Variants in MGAT4C observed in about 807,000 individuals in gnomAD.
MGAT4C encodes the protein MGAT4 family member C.
Under a neutral mutation model 40.1 loss-of-function variants are expected in MGAT4C, and 19 were observed. The observed-to-expected ratio is 0.47, with a 90% CI of 0.33 to 0.70. The LOEUF (loss-of-function observed/expected upper bound fraction) is 0.70, where lower values mean the gene tolerates loss of function less well. MGAT4C is among the 30% of genes least tolerant of loss of function. MGAT4C has a pLI of 0.02. For synonymous variants in MGAT4C, 181 were observed against 187.1 expected (o/e 0.97, Z 0.27); for missense variants, 491 against 563.2 (o/e 0.87, Z 1.30).
rs893916183 is a variant in MGAT4C, at chr12:85,977,691, T to C, written c.*1598A>G. 1 of 151,090 alleles carries C rather than the reference T, an allele frequency of 6.6e-6. No homozygotes were observed. The highest frequency in any genetic ancestry group is 2.1e-4 in the South Asian group (1 of 4,816). The allele number at this position is 151,090 out of a possible 1,614,324, so 9.4% of individuals were successfully genotyped here. ...TCCTAGTGTTGTTTGCACCACAGCA[T>C]ACCAGTAAATCTTAAGGATTGTGTT... is the stretch of plus-strand genomic sequence containing the variant. On this transcript the variant is annotated 3_prime_UTR_variant, in exon 5 of 5. Coordinates refer to ENST00000611864, the MANE Select transcript of MGAT4C (RefSeq NM_001351288.2).
chr12:86,314,614 T>C (rs960963711), intron 4 of MGAT4C, among the ~76,000 whole-genome samples: 3 of 152,260 alleles, frequency 2.0e-5, no homozygotes, highest in Non-Finnish European at 4.4e-5. Context: ...ACAAAGTCAA[T>C]GTACAATAAT....
intron 3 of MGAT4C, among the ~76,000 whole-genome samples, chr12:86,428,351 C>T (rs1956971779): frequency 6.6e-6 from 1 of 152,102 alleles, no homozygotes; most frequent in Non-Finnish European, 1.5e-5. Context: ...CATGTATCTA[C>T]AGAGAGCAGG....
At chr12:86,309,835 C>T (rs1446885882) in intron 4 of MGAT4C, among the ~76,000 whole-genome samples, 11 of 152,086 alleles carry the variant, frequency 7.2e-5, no homozygotes, top group Admixed American at 7.2e-4. Context: ...AATATATTGT[C>T]CAGACTCCAA....
chr12:86,335,131 C>T (rs1954754362), intron 3 of MGAT4C, among the ~76,000 whole-genome samples: 1 of 151,944 alleles, frequency 6.6e-6, no homozygotes, highest in Non-Finnish European at 1.5e-5. Flanking sequence ...AGTTAACTAT[C>T]CATTAACTCA....
intron 3 of MGAT4C, among the ~76,000 whole-genome samples, chr12:86,347,415 C>A (rs1041836034): frequency 2.0e-5 from 3 of 152,024 alleles, no homozygotes; most frequent in Non-Finnish European, 4.4e-5. Context: ...TCACTGAATT[C>A]GTGACTTATA....
intron 1 of MGAT4C, among the ~76,000 whole-genome samples, chr12:86,138,377 G>A (rs1266838175): frequency 1.3e-5 from 2 of 149,646 alleles, no homozygotes; most frequent in East Asian, 3.9e-4. Flanking sequence ...TGCCTCCTCA[G>A]GATTCCCACT....
chr12:86,702,347 G>T (rs1950378034), intron 2 of MGAT4C, among the ~76,000 whole-genome samples: 1 of 152,054 alleles, frequency 6.6e-6, no homozygotes, highest in Admixed American at 6.6e-5. Flanking sequence ...GCCTGGGCCA[G>T]ATTTTTAATG....
At chr12:86,320,922 A>T (rs182167643) in intron 4 of MGAT4C, among the ~76,000 whole-genome samples, 133 of 152,270 alleles carry the variant, frequency 8.7e-4, no homozygotes, top group African/African-American at 3.1e-3. Context: ...ATGGATCAAA[A>T]TCTACCAACT....
chr12:86,488,777 T>C (rs1958073913), intron 2 of MGAT4C, among the ~76,000 whole-genome samples: 1 of 152,194 alleles, frequency 6.6e-6, no homozygotes, highest in Admixed American at 6.6e-5. Context: ...TTATATCATA[T>C]GATTGAAGTT....
intron 2 of MGAT4C, among the ~76,000 whole-genome samples, chr12:86,439,022 G>C (rs1225103761): frequency 1.3e-5 from 2 of 151,748 alleles, no homozygotes; most frequent in Non-Finnish European, 2.9e-5. Flanking sequence ...CCAACACAAT[G>C]ATAGAAGCGA....
intron 1 of MGAT4C, among the ~76,000 whole-genome samples, chr12:86,065,425 A>T (rs1360167161): frequency 6.6e-6 from 1 of 152,230 alleles, no homozygotes; most frequent in Non-Finnish European, 1.5e-5. Context: ...CAATAATTAT[A>T]ATCCATCACA....
chr12:86,099,869 A>C (rs1367460413), intron 1 of MGAT4C, among the ~76,000 whole-genome samples: 1 of 151,386 alleles, frequency 6.6e-6, no homozygotes, highest in African/African-American at 2.4e-5. Context: ...ACTTTCTGTT[A>C]GTTAATGTTT....
At chr12:86,444,884 T>A (rs2136281892) in intron 2 of MGAT4C, among the ~76,000 whole-genome samples, 1 of 152,294 alleles carries the variant, frequency 6.6e-6, no homozygotes, top group African/African-American at 2.4e-5. Flanking sequence ...TATGTAACAA[T>A]ACAGATGAAT....
At chr12:86,367,902 C>A (rs1041903224) in intron 3 of MGAT4C, among the ~76,000 whole-genome samples, 20 of 152,254 alleles carry the variant, frequency 1.3e-4, no homozygotes, top group Admixed American at 1.3e-3. Flanking sequence ...CCTAACATGG[C>A]CAGAAGCGCC....
At chr12:86,054,996 A>G (rs1893250072) in intron 1 of MGAT4C, among the ~76,000 whole-genome samples, 1 of 151,982 alleles carries the variant, frequency 6.6e-6, no homozygotes, top group African/African-American at 2.4e-5. Flanking sequence ...AATATTAAGG[A>G]CTGTGATTAT....
At chr12:86,339,967 T>A (rs1033535388) in intron 3 of MGAT4C, among the ~76,000 whole-genome samples, 2 of 152,336 alleles carry the variant, frequency 1.3e-5, no homozygotes, top group East Asian at 3.9e-4. Context: ...AAAGCCTTTA[T>A]CTAGATATTG....
chr12:86,348,236 A>C (rs1338046656), intron 3 of MGAT4C, among the ~76,000 whole-genome samples: 2 of 152,160 alleles, frequency 1.3e-5, no homozygotes, highest in African/African-American at 4.8e-5. Context: ...TTGCTTGTTC[A>C]TAGAGGACTC....
chr12:86,543,549 A>T (rs1412060443), intron 2 of MGAT4C, among the ~76,000 whole-genome samples: 3 of 152,088 alleles, frequency 2.0e-5, no homozygotes, highest in Non-Finnish European at 4.4e-5. Context: ...GTATAGTACT[A>T]AGTACTTTTT....
upstream of MGAT4C, among the ~76,000 whole-genome samples, chr12:86,258,389 A>G (rs1430284190): frequency 1.3e-5 from 2 of 152,076 alleles, no homozygotes; most frequent in African/African-American, 4.8e-5. Context: ...TTTAGTGCAC[A>G]GAAATCATAA....
Sources: allele counts gnomAD v4.1 joint callset (sites outside exome capture counted in the v4.1 genomes callset), GRCh38; gene constraint gnomAD v4.1.1; transcripts MANE v1.5; gene names NCBI Gene and HGNC (gene_info 2026-07-23, HGNC 2026-07-21).